The following GPHN variants were observed in gnomAD, a reference collection of about 807,000 sequenced individuals.
GPHN encodes the protein gephyrin.
Under a neutral mutation model 95.5 loss-of-function variants are expected in GPHN, and 17 were observed. The observed-to-expected ratio is 0.18, with a 90% confidence interval of 0.12 to 0.27. The LOEUF (loss-of-function observed/expected upper bound fraction) is 0.27. Ranked by LOEUF, GPHN falls within the 10% of genes least tolerant of loss-of-function variation. The pLI is 1.00. For missense variants in GPHN, 660 were observed against 978.1 expected, an observed-to-expected ratio of 0.67 and a Z score of 4.34; for synonymous variants, 320 against 322.5, an observed-to-expected ratio of 0.99 and a Z score of 0.08.
the GPHN span, chr14:67,692,895 C>T: frequency 1.5e-6 from 2 of 1,332,256 alleles, no homozygotes; most frequent in Non-Finnish European, 2.1e-6. Context: ...AGGGGTAAAA[C>T]AGCAGTAATA....
chr14:67,255,877 G>A, the GPHN span, among the ~76,000 whole-genome samples: 4 of 152,152 alleles, frequency 2.6e-5, no homozygotes, highest in Non-Finnish European at 5.9e-5. Flanking sequence ...AGTAGAGACG[G>A]GGTTTCACCA....
At chr14:67,601,010 G>A in the GPHN span, among the ~76,000 whole-genome samples, 645 of 152,366 alleles carry the variant, frequency 4.2e-3, 44 homozygotes, top group East Asian at 0.11. Context: ...AGGTGCTTGA[G>A]GATGCAGCAG....
At chr14:66,564,249 AC>A (rs2060372913) in intron 1 of GPHN, among the ~76,000 whole-genome samples, 1 of 152,136 alleles carries the variant, frequency 6.6e-6, no homozygotes, top group South Asian at 2.1e-4. Flanking sequence ...AAGAAGTGTA[AC>A]TTTTTATATT....
At chr14:66,746,474 G>A (rs2058154623) in intron 2 of GPHN, among the ~76,000 whole-genome samples, 1 of 152,110 alleles carries the variant, frequency 6.6e-6, no homozygotes, top group Non-Finnish European at 1.5e-5. Flanking sequence ...TCATGAATGT[G>A]TACCCTCTAG....
chr14:66,582,160 G>C (rs2061209662), intron 1 of GPHN, among the ~76,000 whole-genome samples: 1 of 151,968 alleles, frequency 6.6e-6, no homozygotes, highest in Non-Finnish European at 1.5e-5. Context: ...ACAAATTTAA[G>C]AAGATTGAAA....
At chr14:66,885,216 G>A (rs186938747) in intron 5 of GPHN, among the ~76,000 whole-genome samples, 37 of 152,136 alleles carry the variant, frequency 2.4e-4, no homozygotes, top group Admixed American at 4.6e-4. Flanking sequence ...ATAAAAGTCT[G>A]TAGGGGAGCA....
chr14:67,117,125 TA>T (rs2078742119), intron 16 of GPHN, among the ~76,000 whole-genome samples: 1 of 152,198 alleles, frequency 6.6e-6, no homozygotes, highest in African/African-American at 2.4e-5. Context: ...CTGACCACTA[TA>T]AAAGTCAAAT....
the GPHN span, among the ~76,000 whole-genome samples, chr14:67,202,224 C>T: frequency 2.6e-5 from 4 of 152,092 alleles, no homozygotes; most frequent in African/African-American, 4.8e-5. Context: ...GTGGATCACC[C>T]GAGGTCAGGA....
chr14:66,888,410 C>T (rs1157449187), intron 5 of GPHN, among the ~76,000 whole-genome samples: 2 of 151,976 alleles, frequency 1.3e-5, no homozygotes, highest in African/African-American at 2.4e-5. Context: ...TGATTTGGGG[C>T]ATACAGTATG....
At chr14:67,646,722 G>A in the GPHN span, 1 of 1,612,746 alleles carries the variant, frequency 6.2e-7, no homozygotes. Context: ...TCTGAGAGAC[G>A]TGGACCCTCC....
intron 17 of GPHN, among the ~76,000 whole-genome samples, chr14:67,135,893 G>T (rs1402730530): frequency 6.6e-6 from 1 of 151,802 alleles, no homozygotes; most frequent in Non-Finnish European, 1.5e-5. Flanking sequence ...TTGCACTTTT[G>T]CACAATCCTT....
At chr14:67,712,666 A>G in the GPHN span, among the ~76,000 whole-genome samples, 4 of 152,158 alleles carry the variant, frequency 2.6e-5, no homozygotes, top group African/African-American at 9.6e-5. Flanking sequence ...ACTATATTTC[A>G]TCTAGGACAA....
At chr14:67,272,086 C>T in the GPHN span, 3 of 151,722 alleles carry the variant, frequency 2.0e-5, no homozygotes, top group Non-Finnish European at 4.4e-5. Context: ...TTCAAGGATC[C>T]TGTCTTAATA....
intron 1 of GPHN, among the ~76,000 whole-genome samples, chr14:66,633,577 T>C (rs1378858471): frequency 6.6e-6 from 1 of 151,868 alleles, no homozygotes; most frequent in Non-Finnish European, 1.5e-5. Context: ...TTTACAATTT[T>C]ATACATTCTC....
chr14:66,578,150 A>G (rs537435254), intron 1 of GPHN, among the ~76,000 whole-genome samples: 2 of 151,860 alleles, frequency 1.3e-5, no homozygotes, highest in South Asian at 2.1e-4. Context: ...TTTTTAAACA[A>G]AAATTTATAA....
chr14:67,033,465 G>A (rs916143413), intron 10 of GPHN, among the ~76,000 whole-genome samples: 1 of 151,992 alleles, frequency 6.6e-6, no homozygotes, highest in Non-Finnish European at 1.5e-5. Context: ...TCAGGAGGCT[G>A]AGGCAAAAGA....
At chr14:66,828,308 A>G (rs547093470) in intron 4 of GPHN, among the ~76,000 whole-genome samples, 7 of 152,224 alleles carry the variant, frequency 4.6e-5, no homozygotes, top group African/African-American at 1.2e-4. Context: ...TACATCGTAG[A>G]GTAGTTGCAG....
chr14:67,592,063 G>A, the GPHN span: 1 of 168,652 alleles, frequency 5.9e-6, no homozygotes, highest in Non-Finnish European at 1.3e-5. Flanking sequence ...AAAGTGTACA[G>A]TAGTAGACTG....
At chr14:66,628,567 T>C (rs2063609289) in intron 1 of GPHN, among the ~76,000 whole-genome samples, 1 of 152,134 alleles carries the variant, frequency 6.6e-6, no homozygotes, top group African/African-American at 2.4e-5. Flanking sequence ...AGTGAGTGAA[T>C]GGTGAAGGCC....
Sources: allele counts gnomAD v4.1 joint callset (sites outside exome capture counted in the v4.1 genomes callset), GRCh38; gene constraint gnomAD v4.1.1; transcripts MANE v1.5; gene names NCBI Gene and HGNC (gene_info 2026-07-23, HGNC 2026-07-21).